Variants in HIVEP2 observed in about 807,000 individuals in gnomAD.
HIVEP2 encodes the protein HIVEP zinc finger 2.
Under a neutral mutation model 180.7 loss-of-function variants are expected in HIVEP2, and 14 were observed. That is an observed-to-expected ratio of 0.08 (90% CI 0.05 to 0.12). HIVEP2 has a LOEUF of 0.12. Ranked by LOEUF, HIVEP2 falls within the 10% of genes least tolerant of loss-of-function variation. The pLI, the probability that HIVEP2 is intolerant of heterozygous loss-of-function variation, is 1.00. For synonymous variants in HIVEP2, 1,184 were observed against 1,136.4 expected (o/e 1.04, Z -0.84); for missense variants, 2,579 against 3,008.5 (o/e 0.86, Z 3.34).
intron 1 of HIVEP2, among the ~76,000 whole-genome samples, chr6:142,935,461 A>C (rs1480287864): frequency 6.6e-6 from 1 of 152,016 alleles, no homozygotes; most frequent in Non-Finnish European, 1.5e-5. Flanking sequence ...AGGTGGGAGG[A>C]TCGTTTGAGC....
intron 8 of HIVEP2, 52 bp downstream of exon 8, chr6:142,761,412 G>T: frequency 1.1e-6 from 1 of 870,058 alleles, no homozygotes; most frequent in Non-Finnish European, 2.0e-6. Flanking sequence ...CAGCCACAGA[G>T]CTCCACTGTG....
chr6:142,858,537 T>G (rs1775886604), intron 1 of HIVEP2, among the ~76,000 whole-genome samples: 1 of 152,188 alleles, frequency 6.6e-6, no homozygotes, highest in African/African-American at 2.4e-5. Flanking sequence ...CCTTATCTGC[T>G]TCATCTTTTA....
intron 1 of HIVEP2, among the ~76,000 whole-genome samples, chr6:142,906,253 A>G (rs917181206): frequency 6.6e-6 from 1 of 152,246 alleles, no homozygotes; most frequent in Non-Finnish European, 1.5e-5. Flanking sequence ...TAGATTAGGT[A>G]AAGCTAATAT....
intron 2 of HIVEP2, among the ~76,000 whole-genome samples, chr6:142,786,832 G>A (rs1776010189): frequency 1.3e-5 from 2 of 152,162 alleles, no homozygotes; most frequent in Non-Finnish European, 1.5e-5. Context: ...AGCAAGAGGT[G>A]AAGGTTTCAT....
In HIVEP2 at chr6:142,774,241, G is replaced by A. The variant is rs778340688; in HGVS notation, c.498C>T (p.Ser166=). The A allele has an allele frequency of 3.1e-6, 5 of 1,614,064 alleles. No individual in the cohort carries two copies. In the South Asian group the frequency reaches 3.3e-5, roughly 11 times the overall value. The change falls in exon 5 of 10, where the codon TCC becomes TCT. Residue 166 remains serine, a synonymous_variant. Transcript: ENST00000367603. The surrounding 1 kb of genome is among the most constrained non-coding windows in gnomAD (Gnocchi z 5.1). ...CTTCTGCCTGTTCAATACTTTTCTG[G>A]GAGTATTGGCTATAAGCAGGGTTCA... ...SSLNPAYSQY[S]QKSIEQAEEA...
chr6:142,785,308 T>A, intron 2 of HIVEP2, among the ~76,000 whole-genome samples: 1 of 41,352 alleles, frequency 2.4e-5, no homozygotes, highest in East Asian at 8.5e-4. Flanking sequence ...ATGGCATTCC[T>A]CAAAAAAAAA....
intron 1 of HIVEP2, among the ~76,000 whole-genome samples, chr6:142,850,426 T>C (rs1358768501): frequency 6.6e-6 from 1 of 152,176 alleles, no homozygotes; most frequent in African/African-American, 2.4e-5. Flanking sequence ...AATAAATCAA[T>C]AAGGAATCGC....
At chr6:142,874,934 C>T (rs376279497) in intron 1 of HIVEP2, among the ~76,000 whole-genome samples, 5 of 152,216 alleles carry the variant, frequency 3.3e-5, no homozygotes, top group South Asian at 4.1e-4. Context: ...TTAAGTGCTT[C>T]CTATACACCA....
rs1182633059 is a variant in HIVEP2 at position 142,768,267 on chromosome 6, G to T, written c.5342+115C>A. Reference sequence around the variant, plus strand: ...AGAGTTCAGAACTGTGAATAGAAAAGGAATTTACTTTCAGCTTTCAACCAG... The same window carrying T: ...AGAGTTCAGAACTGTGAATAGAAAATGAATTTACTTTCAGCTTTCAACCAG... On this transcript the variant is annotated intron_variant, in intron 6 of 9. Coordinates refer to ENST00000367603, the MANE Select transcript of HIVEP2 (RefSeq NM_006734.4). 3.2e-6 allele frequency: 3 copies of T among 939,892 alleles called. No homozygotes were observed. The Admixed American group carries it at 7.7e-5, about 24-fold the overall frequency. The allele number at this position is 939,892 out of a possible 1,614,324, so 58.2% of individuals were successfully genotyped here. A position where few individuals can be genotyped will look rare whatever the true frequency, so the allele number is the denominator to read the frequency against.
intron 2 of HIVEP2, among the ~76,000 whole-genome samples, chr6:142,827,033 T>C (rs542315800): frequency 1.3e-5 from 2 of 152,214 alleles, no homozygotes; most frequent in African/African-American, 2.4e-5. Flanking sequence ...TGTACTTTTG[T>C]GCCTTTGTGG....
rs148101899 is a variant in HIVEP2 at position 142,815,224 on chromosome 6, G to A, written c.-528+21711C>T. ...TAAGTTTCCAATACTTGCTCTTTGGGGGGGACACATTCAAACTACAGCAAA... is the reference window on the plus strand; with the variant it reads ...TAAGTTTCCAATACTTGCTCTTTGGAGGGGACACATTCAAACTACAGCAAA... On this transcript the variant is annotated intron_variant, in intron 2 of 9. Coordinates refer to ENST00000367603, the MANE Select transcript of HIVEP2 (RefSeq NM_006734.4). Among the ~76,000 whole-genome samples, 102 of 152,202 alleles carry A rather than the reference G, an allele frequency of 6.7e-4. No individual in the cohort carries two copies. The Middle Eastern group carries it at 0.01, about 15-fold the overall frequency.
At chr6:142,936,185 T>TTC (rs771285452) in intron 1 of HIVEP2, among the ~76,000 whole-genome samples, 13 of 151,140 alleles carry the variant, frequency 8.6e-5, no homozygotes, top group African/African-American at 1.2e-4. Flanking sequence ...CAGCACTTAA[T>TTC]TCTCTCTCTC....
chr6:142,934,122 C>T (rs1415632148), intron 1 of HIVEP2, among the ~76,000 whole-genome samples: 1 of 152,220 alleles, frequency 6.6e-6, no homozygotes, highest in African/African-American at 2.4e-5. Context: ...CTCAACAACA[C>T]TTTACTAACC....
intron 1 of HIVEP2, among the ~76,000 whole-genome samples, chr6:142,865,962 G>T (rs1776128978): frequency 2.0e-5 from 3 of 152,262 alleles, no homozygotes; most frequent in South Asian, 4.1e-4. Context: ...ATCAGACCTT[G>T]GTTCGAATCC....
chr6:142,861,984 T>A (rs2114957786), intron 1 of HIVEP2, among the ~76,000 whole-genome samples: 1 of 152,234 alleles, frequency 6.6e-6, no homozygotes, highest in East Asian at 1.9e-4. Context: ...CCAACAACAA[T>A]GACAAAGTGG....
chr6:142,934,900 T>C (rs766284147), intron 1 of HIVEP2, among the ~76,000 whole-genome samples: 5 of 152,202 alleles, frequency 3.3e-5, no homozygotes, highest in African/African-American at 1.2e-4. Context: ...TCACACCTAA[T>C]TGATCCAAAC....
intron 1 of HIVEP2, among the ~76,000 whole-genome samples, chr6:142,851,377 T>C (rs1170808899): frequency 6.6e-6 from 1 of 152,240 alleles, no homozygotes; most frequent in African/African-American, 2.4e-5. Context: ...TAGGCTGCTA[T>C]GATTTCCACA....
At position 142,771,054 on chromosome 6, in the gene HIVEP2, G is replaced by T. The variant is rs763149300; in HGVS notation, c.3685C>A (p.His1229Asn). 1 of 1,614,210 alleles carries T rather than the reference G, an allele frequency of 6.2e-7. No homozygotes were observed. The highest frequency in any genetic ancestry group is 8.5e-7 in the Non-Finnish European group (1 of 1,180,044). The change falls in exon 5 of 10, where the codon CAT becomes AAT. Residue 1229 changes from histidine (H) to asparagine (N), a missense_variant. By Grantham distance (68) the His-to-Asn change is moderately conservative. This residue lies in a region of HIVEP2 where 523 missense variants were observed against 577.0 expected (regional missense o/e 0.91). Coordinates refer to ENST00000367603, the MANE Select transcript of HIVEP2 (RefSeq NM_006734.4). The surrounding 1 kb of genome is among the most constrained non-coding windows in gnomAD (Gnocchi z 5.4). ...PAQQPPWWQA[H>N]FPHPFAQHPQ... Reference sequence around the variant, plus strand: ...TGCTGAGCAAAGGGATGTGGGAAATGTGCCTGCCACCAGGGAGGCTGCTGA... The same window carrying T: ...TGCTGAGCAAAGGGATGTGGGAAATTTGCCTGCCACCAGGGAGGCTGCTGA...
intron 1 of HIVEP2, among the ~76,000 whole-genome samples, chr6:142,894,312 A>G (rs1253881659): frequency 6.6e-6 from 1 of 152,160 alleles, no homozygotes; most frequent in Non-Finnish European, 1.5e-5. Context: ...TTGTGTTGTA[A>G]AATATAGTTT....
Sources: allele counts gnomAD v4.1 joint callset (sites outside exome capture counted in the v4.1 genomes callset), GRCh38; gene constraint gnomAD v4.1.1; regional missense constraint gnomAD v4.1.1; non-coding constraint Gnocchi (gnomAD v3.1); transcripts MANE v1.5; gene names NCBI Gene and HGNC (gene_info 2026-07-23, HGNC 2026-07-21).